HIVEP1: variants seen among roughly 807,000 people sequenced by gnomAD.
HIVEP1 encodes the protein HIVEP zinc finger 1, also known as zinc finger protein 40.
In HIVEP1, 36 loss-of-function variants were observed where a neutral mutation model predicts 180.0. That is an observed-to-expected ratio of 0.20 (90% CI 0.15 to 0.26). HIVEP1 has a LOEUF of 0.26. Ranked by LOEUF, HIVEP1 falls within the 10% of genes least tolerant of loss-of-function variation. HIVEP1 has a pLI of 1.00. For missense variants in HIVEP1, 3,143 were observed against 3,268.7 expected (o/e 0.96, Z 0.94); for synonymous variants, 1,239 against 1,239.0 (o/e 1.00, Z 0.00).
At chr6:12,080,852 G>A (rs1772741207) in intron 2 of HIVEP1, among the ~76,000 whole-genome samples, 1 of 151,998 alleles carries the variant, frequency 6.6e-6, no homozygotes, top group Admixed American at 6.6e-5. Flanking sequence ...ATCACACTAG[G>A]GTAGACATTG....
chr6:12,208,510 CCT>C, the HIVEP1 span, among the ~76,000 whole-genome samples: 3 of 152,126 alleles, frequency 2.0e-5, no homozygotes, highest in Non-Finnish European at 4.4e-5. Flanking sequence ...AAAAAGTTAC[CCT>C]GAGTGTTCCG....
downstream of HIVEP1, among the ~76,000 whole-genome samples, chr6:12,166,879 T>C (rs552352311): frequency 6.6e-6 from 1 of 152,300 alleles, no homozygotes; most frequent in South Asian, 2.1e-4. Flanking sequence ...TTCAATACCT[T>C]GTGTGAATCC....
intron 3 of HIVEP1, among the ~76,000 whole-genome samples, chr6:12,118,246 C>T (rs1050939614): frequency 2.0e-5 from 3 of 151,128 alleles, no homozygotes; most frequent in Non-Finnish European, 4.4e-5. Context: ...CACAATATTA[C>T]TAGAATATTT....
chr6:12,208,151 GATA>G, the HIVEP1 span, among the ~76,000 whole-genome samples: 3 of 152,162 alleles, frequency 2.0e-5, no homozygotes, highest in African/African-American at 7.2e-5. Flanking sequence ...TATTTCCATA[GATA>G]ATAGTAGTTA....
intron 7 of HIVEP1, among the ~76,000 whole-genome samples, chr6:12,149,494 A>T (rs1759567506): frequency 6.6e-6 from 1 of 152,182 alleles, no homozygotes; most frequent in South Asian, 2.1e-4. Context: ...AACACTTAAG[A>T]GGCAGTCAGT....
intron 1 of HIVEP1, among the ~76,000 whole-genome samples, chr6:12,014,178 C>T (rs1767588230): frequency 6.6e-6 from 1 of 152,194 alleles, no homozygotes; most frequent in South Asian, 2.1e-4. Flanking sequence ...CTGAACAAGG[C>T]CACACAGTAA....
intron 7 of HIVEP1, among the ~76,000 whole-genome samples, chr6:12,159,323 C>T (rs1197094331): frequency 6.6e-6 from 1 of 151,892 alleles, no homozygotes; most frequent in African/African-American, 2.4e-5. Flanking sequence ...TCTCCAGTAA[C>T]TTATTCTCCC....
downstream of HIVEP1, among the ~76,000 whole-genome samples, chr6:12,168,038 TATAC>T (rs1357731534): frequency 1.6e-3 from 94 of 59,984 alleles, 10 homozygotes; most frequent in Non-Finnish European, 2.2e-3. Context: ...ATATATTATA[TATAC>T]ATATACATAT....
chr6:12,097,771 G>A (rs1370217611), intron 3 of HIVEP1, among the ~76,000 whole-genome samples: 3 of 152,110 alleles, frequency 2.0e-5, no homozygotes, highest in Non-Finnish European at 4.4e-5. Flanking sequence ...TATGAAAGAT[G>A]ATTTGCATAA....
the HIVEP1 span, among the ~76,000 whole-genome samples, chr6:12,170,616 T>C: frequency 6.6e-6 from 1 of 152,144 alleles, no homozygotes. Context: ...TGAAAGGGCA[T>C]TGAGACCAAG....
At chr6:12,135,667 G>A (rs1375131355) in intron 6 of HIVEP1, 124 bp from the exon 7 acceptor site, 1 of 620,872 alleles carries the variant, frequency 1.6e-6, no homozygotes, top group African/African-American at 1.8e-5. Context: ...TCACATTTTA[G>A]TCATTGGAGT....
chr6:12,095,882 A>C (rs1045025234), intron 3 of HIVEP1, among the ~76,000 whole-genome samples: 1 of 151,946 alleles, frequency 6.6e-6, no homozygotes, highest in African/African-American at 2.4e-5. Context: ...TGATAGTTGA[A>C]TTTCTGGTAC....
rs746179174 is a variant in HIVEP1 at position 12,119,870 on chromosome 6, G to T, written c.95-20G>T. ...TGTACAATGTTACCAATTGTTTGTTGTTGTTGTTGTTTTTTCCAGAAATCT... is the reference window on the plus strand; with the variant it reads ...TGTACAATGTTACCAATTGTTTGTTTTTGTTGTTGTTTTTTCCAGAAATCT... On this transcript the variant is annotated intron_variant, in intron 3 of 8. Coordinates refer to ENST00000379388, the MANE Select transcript of HIVEP1 (RefSeq NM_002114.4). 2.0e-6 allele frequency: 3 copies of T among 1,466,770 alleles called. No individual in the cohort carries two copies. Among genetic ancestry groups the T allele is most frequent in the South Asian group, 1.4e-5 (1 of 74,002 alleles). The allele number at this position is 1,466,770 out of a possible 1,614,324, so 90.9% of individuals were successfully genotyped here.
chr6:12,118,221 C>T (rs1775344013), intron 3 of HIVEP1, among the ~76,000 whole-genome samples: 1 of 150,658 alleles, frequency 6.6e-6, no homozygotes, highest in Non-Finnish European at 1.5e-5. Context: ...GATATGAGAG[C>T]ATATAAACTG....
intron 2 of HIVEP1, among the ~76,000 whole-genome samples, chr6:12,077,004 T>A (rs1772402125): frequency 6.6e-6 from 1 of 152,106 alleles, no homozygotes; most frequent in South Asian, 2.1e-4. Flanking sequence ...GGAGGGATGA[T>A]GTATATCAAA....
intron 3 of HIVEP1, among the ~76,000 whole-genome samples, chr6:12,096,954 A>T (rs1773817204): frequency 6.6e-6 from 1 of 152,086 alleles, no homozygotes. Context: ...ACAAAACTTG[A>T]TAGGCTTACC....
chr6:12,185,296 G>T, the HIVEP1 span, among the ~76,000 whole-genome samples: 3 of 152,230 alleles, frequency 2.0e-5, no homozygotes, highest in African/African-American at 7.2e-5. Flanking sequence ...GTAGAGTTCA[G>T]GGCCACTGAC....
chr6:12,120,829 T>G lies in HIVEP1; in HGVS notation c.1034T>G (p.Val345Gly). 6.2e-7 allele frequency: 1 copy of G among 1,614,136 alleles called. No individual in the cohort carries two copies. Among genetic ancestry groups the G allele is most frequent in the Non-Finnish European group, 8.5e-7 (1 of 1,180,022 alleles). The part of the protein sequence containing the change: ...GLTSPSSRSQ[V>G]TPQNQQMDSA... ...ACTTCACCTTCCAGTAGATCTCAGG[T>G]TACTCCTCAAAACCAGCAAATGGAT... is the stretch of plus-strand genomic sequence containing the variant. Residue 345 changes from valine (V) to glycine (G), a missense_variant, in exon 4 of 9, where the codon GTT (valine) becomes GGT (glycine). Around this residue, in one of 12 missense-constraint regions of HIVEP1, gnomAD observed 306 missense variants for 310.6 expected, o/e 0.99. Coordinates refer to ENST00000379388, the MANE Select transcript of HIVEP1 (RefSeq NM_002114.4).
downstream of HIVEP1, among the ~76,000 whole-genome samples, chr6:12,165,421 C>A (rs927839295): frequency 2.0e-5 from 3 of 152,164 alleles, no homozygotes; most frequent in Admixed American, 6.5e-5. Flanking sequence ...GCTATGGGCT[C>A]TTCTTTCCCT....
Sources: allele counts gnomAD v4.1 joint callset (sites outside exome capture counted in the v4.1 genomes callset), GRCh38; gene constraint gnomAD v4.1.1; regional missense constraint gnomAD v4.1.1; transcripts MANE v1.5; gene names NCBI Gene and HGNC (gene_info 2026-07-23, HGNC 2026-07-21).